C2orf76: variants seen among roughly 807,000 people sequenced by gnomAD.
C2orf76 encodes the protein UPF0538 protein C2orf76.
In C2orf76, 23 loss-of-function variants were observed where a neutral mutation model predicts 16.9. That is an observed-to-expected ratio of 1.36 (90% confidence interval 0.98 to 1.93). C2orf76 has a LOEUF of 1.93. Ranked by LOEUF, C2orf76 falls within the 30% of genes most tolerant of loss-of-function variation. The probability of loss-of-function intolerance (pLI) is 0.00; values close to 1 mark genes in which losing one functional copy is unlikely to be tolerated. For missense variants in C2orf76, 152 were observed against 152.6 expected (o/e 1.00, Z 0.02); for synonymous variants, 48 against 52.3 (o/e 0.92, Z 0.35).
chr2:119,350,542 C>T lies in C2orf76; in HGVS notation c.-12-10571G>A, dbSNP rs561690650. ...AACACAAAACTTCCATAGGAACTGC[C>T]TTGCATGGAAGTCCCAGTTCGATGG... On this transcript the variant is annotated intron_variant, in intron 1 of 5. Coordinates refer to ENST00000334816, the MANE Select transcript of C2orf76 (RefSeq NM_001322331.2). 2.0e-5 allele frequency among the ~76,000 whole-genome samples: 3 copies of T among 152,312 alleles called. No individual in the cohort carries two copies. The South Asian group carries it at 6.2e-4, about 32-fold the overall frequency.
chr2:119,301,076 A>AACACACACACACACACACACACAC (rs57577702), downstream of C2orf76, among the ~76,000 whole-genome samples: 11 of 146,240 alleles, frequency 7.5e-5, 1 homozygote, highest in South Asian at 1.5e-3. Context: ...ACTTCTTAAA[A>AACACACACACACACACACACACAC]ACACACACAC....
chr2:119,342,908 T>G (rs1052984311), intron 1 of C2orf76, among the ~76,000 whole-genome samples: 1 of 152,080 alleles, frequency 6.6e-6, no homozygotes, highest in Admixed American at 6.5e-5. Context: ...TAGCTGGGAC[T>G]ACAGGTACGC....
In C2orf76 at chr2:119,308,438, G is replaced by A. The variant is rs571664996; in HGVS notation, c.304+3184C>T. Among the ~76,000 whole-genome samples, 80 of 152,262 alleles carry A rather than the reference G, an allele frequency of 5.3e-4. 2 individuals are homozygous for A. In the South Asian group the frequency reaches 0.01, roughly 19 times the overall value. ...GGTGGAAAACCGAGGTCAGGAGTTC[G>A]AGACCAGCCTGGCCAATATGGCAAA... On this transcript the variant is annotated intron_variant, in intron 5 of 5. Coordinates refer to ENST00000334816, the MANE Select transcript of C2orf76 (RefSeq NM_001322331.2).
chr2:119,311,423 G>A (rs1165345265), intron 5 of C2orf76, 199 bp downstream of exon 5: 32 of 985,318 alleles, frequency 3.2e-5, no homozygotes, highest in Non-Finnish European at 3.7e-5. Flanking sequence ...CATATTTGGA[G>A]AGCAGACACC....
downstream of C2orf76, among the ~76,000 whole-genome samples, chr2:119,298,499 A>G (rs940740583): frequency 6.6e-6 from 1 of 151,844 alleles, no homozygotes; most frequent in Admixed American, 6.6e-5. Context: ...TTTGACATCT[A>G]GTAGGCAACC....
chr2:119,340,054 C>A, intron 1 of C2orf76, 83 bp from the exon 2 acceptor site: 2 of 1,448,096 alleles, frequency 1.4e-6, no homozygotes, highest in South Asian at 2.5e-5. Flanking sequence ...TCTATCAGCT[C>A]TCTGGCACCA....
At chr2:119,298,372 T>C (rs951253100), downstream of C2orf76, among the ~76,000 whole-genome samples, 1 of 152,198 alleles carries the variant, frequency 6.6e-6, no homozygotes, top group African/African-American at 2.4e-5. Flanking sequence ...TAATTACAAA[T>C]ACTACCTTTA....
intron 5 of C2orf76, 58 bp downstream of exon 5, chr2:119,311,564 G>A: frequency 1.3e-6 from 2 of 1,579,656 alleles, no homozygotes; most frequent in Non-Finnish European, 8.6e-7. Flanking sequence ...CCATCAGCCA[G>A]GCCTCAGGAT....
At chr2:119,300,220 T>C (rs185988662), downstream of C2orf76, among the ~76,000 whole-genome samples, 36 of 152,272 alleles carry the variant, frequency 2.4e-4, no homozygotes, top group African/African-American at 8.4e-4. Flanking sequence ...ATATGTAAAT[T>C]AACTACCACA....
At chr2:119,303,883 C>G (rs1239369258) in intron 5 of C2orf76, among the ~76,000 whole-genome samples, 8 of 152,136 alleles carry the variant, frequency 5.3e-5, no homozygotes, top group Middle Eastern at 3.4e-3. Flanking sequence ...TGACAAGGAG[C>G]CTGTGGGGGA....
the C2orf76 span, among the ~76,000 whole-genome samples, chr2:119,288,440 A>G: frequency 6.6e-6 from 1 of 152,002 alleles, no homozygotes. Context: ...AATTTTAAAA[A>G]AGTAAGGGAG....
intron 4 of C2orf76, among the ~76,000 whole-genome samples, chr2:119,313,728 C>T (rs1398860746): frequency 6.6e-6 from 1 of 152,200 alleles, no homozygotes; most frequent in Non-Finnish European, 1.5e-5. Context: ...CCAGAGAGGA[C>T]TGGGACCACT....
chr2:119,291,212 G>A, the C2orf76 span, among the ~76,000 whole-genome samples: 3 of 151,948 alleles, frequency 2.0e-5, no homozygotes, highest in South Asian at 2.1e-4. Context: ...AAAGATGAAC[G>A]GCTGGGCATT....
At chr2:119,282,738 C>G in the C2orf76 span, among the ~76,000 whole-genome samples, 1 of 152,180 alleles carries the variant, frequency 6.6e-6, no homozygotes, top group South Asian at 2.1e-4. Context: ...ACAGAGACAT[C>G]AACACACAGT....
chr2:119,288,631 G>A, the C2orf76 span, among the ~76,000 whole-genome samples: 87 of 152,082 alleles, frequency 5.7e-4, 1 homozygote, highest in Admixed American at 5.4e-3. Context: ...TTTTGAAGGC[G>A]GGAAGTGGAT....
At chr2:119,297,978 T>A (rs1678565421), downstream of C2orf76, among the ~76,000 whole-genome samples, 1 of 151,964 alleles carries the variant, frequency 6.6e-6, no homozygotes, top group South Asian at 2.1e-4. Context: ...TTGTTTTTAC[T>A]AATTCATTTT....
intron 1 of C2orf76, among the ~76,000 whole-genome samples, chr2:119,365,902 T>C (rs1680955252): frequency 6.6e-6 from 1 of 152,146 alleles, no homozygotes; most frequent in African/African-American, 2.4e-5. Context: ...TCAAAGTCCC[T>C]GTGATGGCCA....
intron 1 of C2orf76, among the ~76,000 whole-genome samples, chr2:119,359,439 G>A (rs917194105): frequency 2.6e-5 from 4 of 152,156 alleles, no homozygotes; most frequent in Non-Finnish European, 4.4e-5. Context: ...TACTGCTACC[G>A]TAGATAGTGA....
At chr2:119,290,882 C>T in the C2orf76 span, among the ~76,000 whole-genome samples, 9 of 152,058 alleles carry the variant, frequency 5.9e-5, no homozygotes, top group Non-Finnish European at 7.4e-5. Context: ...ATTGCATGGT[C>T]GCTGTTGAGC....
Sources: gnomAD v4.1 joint callset for allele counts (sites outside exome capture counted in the v4.1 genomes callset) on GRCh38, gnomAD v4.1.1 for gene constraint, MANE v1.5 for transcripts, NCBI Gene and HGNC (gene_info 2026-07-23, HGNC 2026-07-21) for gene names.